MAP4K4: variants seen among roughly 807,000 people sequenced by gnomAD.
The protein encoded by MAP4K4 is HPK/GCK-like kinase HGK.
MAP4K4 carries 38 observed loss-of-function variants against 189.6 expected under a neutral mutation model. That is an observed-to-expected ratio of 0.20 (90% confidence interval 0.15 to 0.26). MAP4K4 has a LOEUF of 0.26. MAP4K4 is among the 10% of genes least tolerant of loss of function. MAP4K4 has a pLI of 1.00. For missense variants in MAP4K4, 1,054 were observed against 1,726.9 expected (o/e 0.61, Z 6.91); for synonymous variants, 610 against 624.3 (o/e 0.98, Z 0.34).
At chr2:101,784,368 C>T (rs1301367387) in intron 2 of MAP4K4, among the ~76,000 whole-genome samples, 1 of 151,908 alleles carries the variant, frequency 6.6e-6, no homozygotes, top group Non-Finnish European at 1.5e-5. Context: ...GTTTTATCTC[C>T]TCAGCAGTGT....
chr2:101,720,260 A>T (rs2051035292), intron 2 of MAP4K4, among the ~76,000 whole-genome samples: 1 of 144,370 alleles, frequency 6.9e-6, no homozygotes, highest in African/African-American at 2.6e-5. Context: ...TGCAACTTCC[A>T]CCTCCCAGGT....
chr2:101,823,989 A>G, exon 4 of MAP4K4: 1 of 1,610,590 alleles, frequency 6.2e-7, no homozygotes, highest in Non-Finnish European at 8.5e-7. Flanking sequence ...CATCACAGAA[A>G]CATTGCAACA....
intron 2 of MAP4K4, among the ~76,000 whole-genome samples, chr2:101,725,976 G>A (rs1366385543): frequency 6.9e-6 from 1 of 144,942 alleles, no homozygotes; most frequent in African/African-American, 2.9e-5. Context: ...AAAGCTGAGT[G>A]TTCTTATGAG....
At chr2:101,773,631 A>G (rs924742845) in intron 2 of MAP4K4, among the ~76,000 whole-genome samples, 2 of 152,164 alleles carry the variant, frequency 1.3e-5, no homozygotes, top group African/African-American at 4.8e-5. Context: ...AAAATGTACA[A>G]TTAAATTATT....
At chr2:101,882,726 G>A (rs758243821) in intron 28 of MAP4K4, 41 bp downstream of exon 28, 1 of 1,473,966 alleles carries the variant, frequency 6.8e-7, no homozygotes, top group Non-Finnish European at 9.0e-7. Context: ...TCCAGAGTTT[G>A]ATTAGAGTTT....
At chr2:101,877,746 T>C (rs867091520) in intron 27 of MAP4K4, among the ~76,000 whole-genome samples, 2 of 151,688 alleles carry the variant, frequency 1.3e-5, no homozygotes, top group Admixed American at 1.3e-4. Flanking sequence ...TTTTTACTTA[T>C]TTATTTATTT....
At chr2:101,828,916 A>C (rs191227576) in intron 5 of MAP4K4, among the ~76,000 whole-genome samples, 1 of 152,228 alleles carries the variant, frequency 6.6e-6, no homozygotes, top group Non-Finnish European at 1.5e-5. Flanking sequence ...AAAGTGTTAT[A>C]TGCCCAGTAG....
chr2:101,733,964 G>C (rs2059454494), intron 2 of MAP4K4, among the ~76,000 whole-genome samples: 1 of 152,182 alleles, frequency 6.6e-6, no homozygotes, highest in African/African-American at 2.4e-5. Flanking sequence ...AGAGGTTAGG[G>C]GATGAAACTA....
At chr2:101,878,059 C>G (rs1312064925) in intron 27 of MAP4K4, among the ~76,000 whole-genome samples, 1 of 152,144 alleles carries the variant, frequency 6.6e-6, no homozygotes, top group Non-Finnish European at 1.5e-5. Flanking sequence ...AATTATGTCT[C>G]TTTTTAAGAA....
chr2:101,886,264 C>T (rs1337794111), intron 29 of MAP4K4, among the ~76,000 whole-genome samples: 3 of 152,144 alleles, frequency 2.0e-5, no homozygotes, highest in African/African-American at 7.2e-5. Flanking sequence ...GTTTCATTAT[C>T]GTAGTCTCGT....
intron 23 of MAP4K4, 22 bp from the exon 24 acceptor site, chr2:101,871,472 A>C (rs1178017259): frequency 6.6e-7 from 1 of 1,519,524 alleles, no homozygotes; most frequent in South Asian, 1.2e-5. Flanking sequence ...GAGCGAGACA[A>C]GTGTGCCTGT....
Position 101,869,813 on chromosome 2 carries a change from C to T in MAP4K4, c.2639+16C>T. The T allele has an allele frequency of 6.6e-7, 1 of 1,520,102 alleles. No individual in the cohort carries two copies. Among genetic ancestry groups the T allele is most frequent in the Non-Finnish European group, 8.8e-7 (1 of 1,133,098 alleles). The allele number at this position is 1,520,102 out of a possible 1,614,324, so 94.2% of individuals were successfully genotyped here. ...CCAGAGCAGCGTCAGTCCCCGGTCT[C>T]TTTTAGAGCGGATGAGAGTATTCTC... On this transcript the variant is annotated intron_variant, in intron 22 of 32. Coordinates refer to ENST00000324219, the Ensembl canonical transcript of MAP4K4.
At chr2:101,809,406 C>T (rs2095268615) in intron 3 of MAP4K4, among the ~76,000 whole-genome samples, 1 of 151,916 alleles carries the variant, frequency 6.6e-6, no homozygotes, top group African/African-American at 2.4e-5. Flanking sequence ...ATGCTAATCA[C>T]CACCATACAT....
At chr2:101,801,859 T>G (rs1387608434) in intron 3 of MAP4K4, among the ~76,000 whole-genome samples, 1 of 152,202 alleles carries the variant, frequency 6.6e-6, no homozygotes, top group Non-Finnish European at 1.5e-5. Context: ...CTTGTTGCAC[T>G]TGGAGCCTTG....
intron 2 of MAP4K4, among the ~76,000 whole-genome samples, chr2:101,719,963 G>A (rs1239041252): frequency 6.6e-6 from 1 of 152,004 alleles, no homozygotes; most frequent in Non-Finnish European, 1.5e-5. Flanking sequence ...AGTGAGCTGA[G>A]ATCATGCCAC....
At chr2:101,755,842 C>T (rs1411567724) in intron 2 of MAP4K4, among the ~76,000 whole-genome samples, 1 of 150,226 alleles carries the variant, frequency 6.7e-6, no homozygotes, top group Admixed American at 6.6e-5. Context: ...CACTAGGTGA[C>T]GTTAGTAGGT....
chr2:101,849,571 G>T (rs1220506706), intron 12 of MAP4K4, among the ~76,000 whole-genome samples: 3 of 149,348 alleles, frequency 2.0e-5, no homozygotes, highest in Non-Finnish European at 4.4e-5. Flanking sequence ...TGCTTTTTAG[G>T]AAAAATGAAG....
intron 12 of MAP4K4, among the ~76,000 whole-genome samples, chr2:101,849,493 T>A (rs567483973): frequency 6.6e-6 from 1 of 152,228 alleles, no homozygotes; most frequent in East Asian, 1.9e-4. Flanking sequence ...TACAAGACTT[T>A]GGGTCTAGTT....
intron 2 of MAP4K4, among the ~76,000 whole-genome samples, chr2:101,745,517 C>T (rs1274274322): frequency 1.3e-5 from 2 of 151,102 alleles, no homozygotes; most frequent in Non-Finnish European, 2.9e-5. Flanking sequence ...TATATAGCTA[C>T]CTTTGGGCCA....
Sources: allele counts gnomAD v4.1 joint callset (sites outside exome capture counted in the v4.1 genomes callset), GRCh38; gene constraint gnomAD v4.1.1; transcripts MANE v1.5; gene names NCBI Gene and HGNC (gene_info 2026-07-23, HGNC 2026-07-21).